DAB2IP: variants seen among roughly 807,000 people sequenced by gnomAD.
DAB2IP encodes the protein DAB2 interacting protein.
DAB2IP carries 28 observed loss-of-function variants against 107.2 expected under a neutral mutation model. The observed-to-expected ratio is 0.26, with a 90% confidence interval of 0.19 to 0.36. The LOEUF is 0.36. Among genes scored for constraint, DAB2IP ranks in the 10% least tolerant of loss-of-function variants. The probability of loss-of-function intolerance (pLI) is 1.00; values close to 1 mark genes in which losing one functional copy is unlikely to be tolerated. For synonymous variants in DAB2IP, 755 were observed against 706.4 expected, an observed-to-expected ratio of 1.07 and a Z score of -1.09; for missense variants, 1,400 against 1,644.7, an observed-to-expected ratio of 0.85 and a Z score of 2.57.
At chr9:121,768,124 G>T (rs1416140466) in intron 9 of DAB2IP, among the ~76,000 whole-genome samples, 1 of 152,170 alleles carries the variant, frequency 6.6e-6, no homozygotes, top group Non-Finnish European at 1.5e-5. Flanking sequence ...CAGGGATTGA[G>T]CATCATCTGC....
rs1463492796 is a variant in DAB2IP, at chr9:121,776,389, C to G, written c.3312C>G (p.Ser1104Arg). Residue 1104 changes from serine (S) to arginine (R), a missense_variant and splice_region_variant, in exon 14 of 16, where the codon AGC becomes AGG. Transcript: ENST00000408936. The surrounding 1 kb of genome is among the most constrained non-coding windows in gnomAD (Gnocchi z 5.4). The stretch of plus-strand genomic sequence containing the variant: ...ACATCCAGATGAAGGGCATCATCAG[C>G]AGGTGGGGCCCACACCTGCCTGGCC... The G allele has an allele frequency of 6.5e-7, 1 of 1,535,954 alleles. No homozygotes were observed. The highest frequency in any genetic ancestry group is 8.8e-7 in the Non-Finnish European group (1 of 1,139,716).
Position 121,646,512 on chromosome 9 carries a change from TC to T in DAB2IP, c.41-32159del, listed in dbSNP as rs1197131743. Among the ~76,000 whole-genome samples, 4 of 18,276 alleles carry T rather than the reference TC, an allele frequency of 2.2e-4. No individual in the cohort carries two copies. The East Asian group carries it at 4.5e-3, about 20-fold the overall frequency. 12.0% of individuals were successfully genotyped at this position (18,276 alleles called of 152,430 possible). A position where few individuals can be genotyped will look rare whatever the true frequency, so the allele number is the denominator to read the frequency against. ...CCACCCCCCCCACCCCGACCCTCTGTCCCCCCCACCCCCACCCCTGCCCAGA... is the reference window on the plus strand; with the variant it reads ...CCACCCCCCCCACCCCGACCCTCTGTCCCCCCACCCCCACCCCTGCCCAGA... On this transcript the variant is annotated intron_variant, in intron 1 of 16. Transcript: ENST00000259371.
At chr9:121,573,639 T>C (rs1829999272) in intron 1 of DAB2IP, among the ~76,000 whole-genome samples, 2 of 152,110 alleles carry the variant, frequency 1.3e-5, no homozygotes, top group South Asian at 4.1e-4. Flanking sequence ...CACCTTGGCC[T>C]CCCAAAATGC....
In DAB2IP at chr9:121,704,587, G is replaced by A. The variant is rs189898781; in HGVS notation, c.362+5129G>A. On this transcript the variant is annotated intron_variant, in intron 3 of 15. Coordinates refer to ENST00000408936, the Ensembl canonical transcript of DAB2IP. ...GGTCCCATGTAGGTGGATCCTACAC[G>A]TTAAATGAGCCTCTGCCTTCCAAGA... 4.8e-4 allele frequency among the ~76,000 whole-genome samples: 73 copies of A among 152,218 alleles called. No individual in the cohort carries two copies. In the East Asian group the frequency reaches 6.9e-3, roughly 14 times the overall value.
chr9:121,614,492 C>T (rs917598243), intron 1 of DAB2IP, among the ~76,000 whole-genome samples: 1 of 151,618 alleles, frequency 6.6e-6, no homozygotes, highest in Non-Finnish European at 1.5e-5. Context: ...AGGCATGTGC[C>T]ACCATGCCTG....
chr9:121,724,095 G>A (rs574682649), intron 3 of DAB2IP, among the ~76,000 whole-genome samples: 1 of 152,186 alleles, frequency 6.6e-6, no homozygotes, highest in East Asian at 1.9e-4. Context: ...GCTGGCGCTT[G>A]AGGTGACACA....
chr9:121,624,935 G>A (rs770657972), intron 1 of DAB2IP, among the ~76,000 whole-genome samples: 2 of 152,184 alleles, frequency 1.3e-5, no homozygotes, highest in African/African-American at 2.4e-5. Context: ...AGGGGGCTGC[G>A]AGAAGAGCAC....
At chr9:121,678,836 C>A in intron 2 of DAB2IP, 55 bp downstream of exon 2, 1 of 1,469,540 alleles carries the variant, frequency 6.8e-7, no homozygotes, top group South Asian at 1.3e-5. Flanking sequence ...ACCACCTCGC[C>A]CGGGGTGCTG....
intron 1 of DAB2IP, among the ~76,000 whole-genome samples, chr9:121,589,694 A>G (rs1830384382): frequency 6.6e-6 from 1 of 152,112 alleles, no homozygotes; most frequent in African/African-American, 2.4e-5. Flanking sequence ...GCCGAATGAC[A>G]TTGACTTAGG....
rs148649713 is a variant in DAB2IP, at chr9:121,678,288, G to A, written c.125-390G>A. On this transcript the variant is annotated intron_variant, in intron 1 of 15. Transcript: ENST00000408936. Reference sequence around the variant, plus strand: ...GGGTTACTCAGCGTAATGTTTTCAAGGTCCATCCACATTACAGCTTAAATC... The same window carrying A: ...GGGTTACTCAGCGTAATGTTTTCAAAGTCCATCCACATTACAGCTTAAATC... Among the ~76,000 whole-genome samples the A allele has an allele frequency of 3.3e-5, 5 of 152,292 alleles. No individual in the cohort carries two copies. In the East Asian group the frequency reaches 9.7e-4, roughly 29 times the overall value.
At chr9:121,761,975 G>T (rs974589979) in intron 6 of DAB2IP, among the ~76,000 whole-genome samples, 1 of 152,158 alleles carries the variant, frequency 6.6e-6, no homozygotes, top group Admixed American at 6.5e-5. Context: ...TGATAGGTAT[G>T]TCCAGGTGCT....
chr9:121,644,551 C>A (rs193198090), intron 1 of DAB2IP, among the ~76,000 whole-genome samples: 63 of 151,312 alleles, frequency 4.2e-4, no homozygotes, highest in Admixed American at 9.9e-4. Flanking sequence ...GAGCTGAGAT[C>A]GAGCCATTGC....
At chr9:121,648,486 C>A (rs556965081), upstream of DAB2IP, among the ~76,000 whole-genome samples, 1 of 152,124 alleles carries the variant, frequency 6.6e-6, no homozygotes, top group Admixed American at 6.5e-5. Flanking sequence ...ACAGCTTGGT[C>A]TCTGAGAGTT....
chr9:121,627,811 G>A (rs1000848839), intron 1 of DAB2IP, among the ~76,000 whole-genome samples: 3 of 152,184 alleles, frequency 2.0e-5, no homozygotes, highest in Admixed American at 6.5e-5. Flanking sequence ...GTCATGTATC[G>A]TTCTGCAACT....
chr9:121,763,765 A>T lies in DAB2IP; in HGVS notation c.1346A>T (p.Asp449Val). The T allele has an allele frequency of 6.2e-7, 1 of 1,614,068 alleles. No homozygotes were observed. The highest frequency in any genetic ancestry group is 8.5e-7 in the Non-Finnish European group (1 of 1,180,008). The change falls in exon 8 of 16, where the codon GAT (aspartate) becomes GTT (valine). Residue 449 changes from aspartate to valine, a missense_variant. Transcript: ENST00000408936. ...TTCATCAAAGCGCTGTATGAGTCAG[A>T]TGAGAACTGCGAAGTGGATCCCAGC...
At chr9:121,777,294 C>G (rs1373244465) in intron 14 of DAB2IP, among the ~76,000 whole-genome samples, 1 of 152,168 alleles carries the variant, frequency 6.6e-6, no homozygotes, top group African/African-American at 2.4e-5. Flanking sequence ...TGACATAAGC[C>G]CTTCCCAGAT....
rs1428753754 is a variant in DAB2IP, at chr9:121,779,590, G to A, written c.3315-1874G>A. Among the ~76,000 whole-genome samples, 14 of 152,242 alleles carry A rather than the reference G, an allele frequency of 9.2e-5. 1 individual carries two copies. Among genetic ancestry groups the A allele is most frequent in the Non-Finnish European group, 2.1e-4 (14 of 68,052 alleles). ...TTTAAGTTTTGTTAGGCTGCGTCCT[G>A]CAGAGCCTTTAGTCTTGGCCTAACG... is the stretch of plus-strand genomic sequence containing the variant. On this transcript the variant is annotated intron_variant, in intron 14 of 15. Transcript: ENST00000408936.
intron 1 of DAB2IP, among the ~76,000 whole-genome samples, chr9:121,582,128 A>T (rs1564682339): frequency 6.6e-6 from 1 of 152,172 alleles, no homozygotes; most frequent in South Asian, 2.1e-4. Flanking sequence ...CCGGATTCAG[A>T]TAGAAAGGGC....
At position 121,772,831 on chromosome 9, in the gene DAB2IP, AC is replaced by A; in HGVS notation, c.2304del (p.Asp768GlufsTer25). 6.2e-7 allele frequency: 1 copy of A among 1,604,448 alleles called. No individual in the cohort carries two copies. Among genetic ancestry groups the A allele is most frequent in the South Asian group, 1.1e-5 (1 of 90,536 alleles). Reference sequence around the variant, plus strand: ...GAGGCAGGCTCCCCGGCGGGCCCCGACGTCCTCCCCACAGATGGGCAGGCCG... The same window carrying A: ...GAGGCAGGCTCCCCGGCGGGCCCCGAGTCCTCCCCACAGATGGGCAGGCCG... On this transcript the variant is annotated frameshift_variant, in exon 12 of 16. Transcript: ENST00000408936. LOFTEE classifies it high-confidence loss of function. This position sits in a 1 kb window ranked among gnomAD's most constrained non-coding sequence, Gnocchi z 4.7.
Sources: gnomAD v4.1 joint callset for allele counts (sites outside exome capture counted in the v4.1 genomes callset) on GRCh38, gnomAD v4.1.1 for gene constraint, Gnocchi (gnomAD v3.1) non-coding constraint, MANE v1.5 for transcripts, NCBI Gene and HGNC (gene_info 2026-07-23, HGNC 2026-07-21) for gene names.